TBCK: variants seen among roughly 807,000 people sequenced by gnomAD.
TBCK encodes the protein TBC domain-containing protein kinase-like protein.
TBCK carries 99 observed loss-of-function variants against 113.4 expected under a neutral mutation model. The ratio of observed to expected loss-of-function variants is 0.87; its 90% CI spans 0.74 to 1.03. TBCK has a LOEUF of 1.03. Among genes scored for constraint, TBCK ranks in the 50% least tolerant of loss-of-function variants. The probability of loss-of-function intolerance (pLI) is 0.00; values close to 1 mark genes in which losing one functional copy is unlikely to be tolerated. For missense variants in TBCK, 1,045 were observed against 1,061.3 expected (o/e 0.98, Z 0.21); for synonymous variants, 369 against 370.8 (o/e 1.00, Z 0.05).
At chr4:106,127,228 A>AG (rs1745332193) in intron 23 of TBCK, among the ~76,000 whole-genome samples, 1 of 148,730 alleles carries the variant, frequency 6.7e-6, no homozygotes, top group Admixed American at 6.7e-5. Context: ...AAAAAAAAAA[A>AG]GAAGTTAGGT....
intron 3 of TBCK, among the ~76,000 whole-genome samples, chr4:106,276,657 C>T (rs1304727620): frequency 6.6e-6 from 1 of 152,144 alleles, no homozygotes; most frequent in Non-Finnish European, 1.5e-5. Flanking sequence ...CTCTGGGAGG[C>T]TGAGGTGGGT....
At chr4:106,083,220 T>C (rs374584002) in intron 25 of TBCK, among the ~76,000 whole-genome samples, 13 of 152,322 alleles carry the variant, frequency 8.5e-5, no homozygotes, top group African/African-American at 2.9e-4. Context: ...CCCATTTGTA[T>C]AGCTCCAGGC....
intron 4 of TBCK, among the ~76,000 whole-genome samples, chr4:106,261,339 T>C (rs1218861021): frequency 2.0e-5 from 3 of 151,908 alleles, no homozygotes; most frequent in African/African-American, 7.3e-5. Flanking sequence ...CTGGAGTGCA[T>C]TGGTGTGATT....
At chr4:106,085,950 T>C (rs914384417) in intron 25 of TBCK, among the ~76,000 whole-genome samples, 10 of 152,164 alleles carry the variant, frequency 6.6e-5, no homozygotes, top group African/African-American at 2.4e-4. Context: ...GTTAAAGAAC[T>C]GTTAAGAGGG....
chr4:106,118,540 G>T (rs1743841415), intron 23 of TBCK, among the ~76,000 whole-genome samples: 1 of 152,186 alleles, frequency 6.6e-6, no homozygotes, highest in African/African-American at 2.4e-5. Flanking sequence ...TACAATCAAT[G>T]CTTCCATCTC....
intron 23 of TBCK, among the ~76,000 whole-genome samples, chr4:106,164,652 A>G (rs1750163160): frequency 6.6e-6 from 1 of 151,860 alleles, no homozygotes; most frequent in South Asian, 2.1e-4. Context: ...AATGGGGATC[A>G]AACATCTCAG....
At chr4:106,303,382 A>G (rs960600635) in intron 2 of TBCK, among the ~76,000 whole-genome samples, 3 of 151,996 alleles carry the variant, frequency 2.0e-5, no homozygotes, top group African/African-American at 7.3e-5. Context: ...TCTGCGAAAA[A>G]CTATGCATTT....
chr4:106,223,363 T>C (rs1000288570), intron 19 of TBCK, among the ~76,000 whole-genome samples: 2 of 152,166 alleles, frequency 1.3e-5, no homozygotes, highest in Non-Finnish European at 2.9e-5. Context: ...TGTCTTCCTC[T>C]TTCTCCTTCC....
chr4:106,175,621 C>G (rs1751578189), intron 22 of TBCK, among the ~76,000 whole-genome samples: 1 of 151,978 alleles, frequency 6.6e-6, no homozygotes, highest in Non-Finnish European at 1.5e-5. Context: ...CTCTGAGTCT[C>G]AAGACTCAGT....
intron 23 of TBCK, among the ~76,000 whole-genome samples, chr4:106,148,777 C>G (rs770238301): frequency 2.0e-5 from 3 of 152,150 alleles, no homozygotes; most frequent in Non-Finnish European, 2.9e-5. Context: ...TGAGTATTAG[C>G]TTCAACTGAA....
chr4:106,120,884 C>A (rs182181700), intron 23 of TBCK, among the ~76,000 whole-genome samples: 1,703 of 152,190 alleles, frequency 0.011, 29 homozygotes, highest in African/African-American at 0.039. Context: ...AACAGAAAAA[C>A]TGGAAACTCT....
At chr4:106,229,789 CTTCTA>C (rs1172069160) in intron 19 of TBCK, among the ~76,000 whole-genome samples, 9 of 151,480 alleles carry the variant, frequency 5.9e-5, no homozygotes, top group African/African-American at 2.2e-4. Flanking sequence ...GTATTTTTAA[CTTCTA>C]TTCTATTACT....
intron 24 of TBCK, among the ~76,000 whole-genome samples, chr4:106,107,653 A>G (rs183826099): frequency 1.3e-5 from 2 of 152,328 alleles, no homozygotes; most frequent in Admixed American, 6.5e-5. Context: ...GGGAAATACA[A>G]TATCACCAAA....
At chr4:106,267,168 G>T (rs942381195) in intron 3 of TBCK, among the ~76,000 whole-genome samples, 4 of 151,950 alleles carry the variant, frequency 2.6e-5, no homozygotes, top group African/African-American at 9.6e-5. Flanking sequence ...AGTAATTATT[G>T]TTACTTCAGG....
chr4:106,251,239 T>TG (rs763637227), intron 6 of TBCK: 22 of 220,462 alleles, frequency 1.0e-4, no homozygotes, highest in Non-Finnish European at 1.9e-4. Flanking sequence ...CAGGTTATGG[T>TG]GAGGGTTATG....
At chr4:106,214,616 C>T (rs1326825929) in intron 19 of TBCK, among the ~76,000 whole-genome samples, 3 of 151,830 alleles carry the variant, frequency 2.0e-5, no homozygotes, top group East Asian at 1.9e-4. Flanking sequence ...AGGGTATCAG[C>T]AATGGAAGAT....
At chr4:106,202,527 G>T (rs1755007499) in intron 20 of TBCK, among the ~76,000 whole-genome samples, 1 of 151,922 alleles carries the variant, frequency 6.6e-6, no homozygotes, top group African/African-American at 2.4e-5. Flanking sequence ...CACAGCTAAA[G>T]ATTGAGAATT....
chr4:106,151,239 A>T (rs533953962), intron 23 of TBCK, among the ~76,000 whole-genome samples: 12 of 152,082 alleles, frequency 7.9e-5, no homozygotes, highest in Non-Finnish European at 1.5e-4. Context: ...AAAATGTACA[A>T]TTACATTACT....
intron 3 of TBCK, among the ~76,000 whole-genome samples, chr4:106,271,567 C>A (rs1763483539): frequency 6.6e-6 from 1 of 151,954 alleles, no homozygotes; most frequent in Admixed American, 6.6e-5. Context: ...GACTAACCAA[C>A]ATGGCAAAAC....
Sources: gnomAD v4.1 joint callset for allele counts (sites outside exome capture counted in the v4.1 genomes callset) on GRCh38, gnomAD v4.1.1 for gene constraint, MANE v1.5 for transcripts, NCBI Gene and HGNC (gene_info 2026-07-23, HGNC 2026-07-21) for gene names.